CTTNBP2NL: variants seen among roughly 807,000 people sequenced by gnomAD.
The protein encoded by CTTNBP2NL is CTTNBP2 N-terminal-like protein.
A neutral mutation model predicts 32.5 loss-of-function variants in CTTNBP2NL; 16 were observed. The observed-to-expected ratio is 0.49, with a 90% CI of 0.33 to 0.75. CTTNBP2NL has a LOEUF of 0.75. Ranked by LOEUF, CTTNBP2NL falls within the 30% of genes least tolerant of loss-of-function variation. The pLI is 0.02. For missense variants in CTTNBP2NL, 645 were observed against 756.0 expected (o/e 0.85, Z 1.72); for synonymous variants, 298 against 289.4 (o/e 1.03, Z -0.30).
Position 112,457,406 on chromosome 1 carries a change from C to T in CTTNBP2NL, c.1914C>T (p.Ser638=), listed in dbSNP as rs774256076. Reference sequence around the variant, plus strand: ...ATGTTGAGTTACTTTTGCCTACCAGCAGCTAGTCCCTAGGAGGGAGTCTCC... The same window carrying T: ...ATGTTGAGTTACTTTTGCCTACCAGTAGCTAGTCCCTAGGAGGGAGTCTCC... ...GKDVELLLPT[S]S is the part of the protein sequence containing the mutation. The change falls in exon 6 of 6, where the codon AGC becomes AGT. Residue 638 remains serine, a synonymous_variant. Transcript: ENST00000271277. 3.1e-6 allele frequency: 5 copies of T among 1,609,142 alleles called. No homozygotes were observed. Among genetic ancestry groups the T allele is most frequent in the Middle Eastern group, 1.7e-4 (1 of 6,030 alleles).
intron 1 of CTTNBP2NL, among the ~76,000 whole-genome samples, chr1:112,398,058 G>T (rs1240279118): frequency 3.3e-5 from 5 of 152,186 alleles, no homozygotes; most frequent in African/African-American, 1.2e-4. Context: ...AGGGTAAGAC[G>T]TGAGCTCCCA....
At chr1:112,425,245 C>T (rs539753714) in intron 3 of CTTNBP2NL, among the ~76,000 whole-genome samples, 3 of 151,954 alleles carry the variant, frequency 2.0e-5, no homozygotes, top group Non-Finnish European at 4.4e-5. Flanking sequence ...CTGAGGCAGG[C>T]AGATCACCTG....
At chr1:112,449,999 T>C (rs1419301663) in intron 4 of CTTNBP2NL, among the ~76,000 whole-genome samples, 1 of 152,240 alleles carries the variant, frequency 6.6e-6, no homozygotes, top group Non-Finnish European at 1.5e-5. Context: ...AAAAGATGCT[T>C]GGCTACAATC....
At chr1:112,434,634 G>A (rs1387248576) in intron 3 of CTTNBP2NL, among the ~76,000 whole-genome samples, 3 of 152,114 alleles carry the variant, frequency 2.0e-5, no homozygotes, top group African/African-American at 7.2e-5. Context: ...GTGACTCCTT[G>A]CTGCCTAAAA....
intron 1 of CTTNBP2NL, among the ~76,000 whole-genome samples, chr1:112,408,730 T>C (rs1052185528): frequency 6.6e-6 from 1 of 152,190 alleles, no homozygotes; most frequent in African/African-American, 2.4e-5. Flanking sequence ...CATGATCTAG[T>C]GGCAAACTAT....
chr1:112,426,114 G>A (rs2780275), intron 3 of CTTNBP2NL, among the ~76,000 whole-genome samples: 10,628 of 151,858 alleles, frequency 0.07, 1,146 homozygotes, highest in African/African-American at 0.24. Flanking sequence ...GTTGTTGGCC[G>A]TAGGTTTTTT....
chr1:112,400,966 CAAA>C (rs56784970), intron 1 of CTTNBP2NL, among the ~76,000 whole-genome samples: 1 of 102,872 alleles, frequency 9.7e-6, no homozygotes, highest in African/African-American at 3.9e-5. Context: ...ACTCTGTCAC[CAAA>C]AAAAAAAAAA....
At chr1:112,406,768 T>C (rs144480464) in intron 1 of CTTNBP2NL, among the ~76,000 whole-genome samples, 36 of 152,330 alleles carry the variant, frequency 2.4e-4, no homozygotes, top group African/African-American at 8.2e-4. Context: ...CATAATTAAT[T>C]TCTCTATTAA....
rs529804596 is a variant in CTTNBP2NL at position 112,457,575 on chromosome 1, T to A, written c.*163T>A. ...ATTTTGTATTTTTTTAAGTAGAAAC[T>A]GAGTAGTTTGGATTTTTATGGCTCA... On this transcript the variant is annotated 3_prime_UTR_variant, in exon 6 of 6. Transcript: ENST00000271277. 9 of 650,694 alleles carry A rather than the reference T, an allele frequency of 1.4e-5. No individual in the cohort carries two copies. In the African/African-American group the frequency reaches 1.6e-4, roughly 12 times the overall value. 40.3% of individuals were successfully genotyped at this position (650,694 alleles called of 1,614,324 possible).
chr1:112,436,236 G>A (rs2101020485), intron 3 of CTTNBP2NL, among the ~76,000 whole-genome samples: 1 of 152,002 alleles, frequency 6.6e-6, no homozygotes, highest in South Asian at 2.1e-4. Flanking sequence ...CCTTTTCTGT[G>A]AATATCTGTC....
At chr1:112,441,308 T>A (rs1298581077) in intron 3 of CTTNBP2NL, among the ~76,000 whole-genome samples, 1 of 152,226 alleles carries the variant, frequency 6.6e-6, no homozygotes, top group African/African-American at 2.4e-5. Context: ...CAGAACATAC[T>A]CTTTTATGCC....
At chr1:112,415,681 C>T (rs1047623404) in intron 2 of CTTNBP2NL, among the ~76,000 whole-genome samples, 3 of 151,872 alleles carry the variant, frequency 2.0e-5, no homozygotes, top group Non-Finnish European at 2.9e-5. Context: ...CTCAGCCTCC[C>T]GAGTAGCTGG....
At position 112,456,427 on chromosome 1, in the gene CTTNBP2NL, G is replaced by A; in HGVS notation, c.935G>A (p.Cys312Tyr). 2 of 1,614,090 alleles carry A rather than the reference G, an allele frequency of 1.2e-6. No homozygotes were observed. Among genetic ancestry groups the A allele is most frequent in the Non-Finnish European group, 1.7e-6 (2 of 1,180,032 alleles). Reference protein sequence around the residue: ...TEPLMLMSVFCQTESFPAERT... With the variant: ...TEPLMLMSVFYQTESFPAERT... ...CCTCTCATGCTAATGTCTGTGTTTT[G>A]CCAAACAGAGAGTTTTCCAGCAGAA... Residue 312 changes from cysteine (C) to tyrosine (Y), a missense_variant, in exon 6 of 6, where the codon TGC becomes TAC. Physicochemically the swap from Cys to Tyr is radical, Grantham distance 194. Transcript: ENST00000271277.
At chr1:112,414,313 G>A (rs1409015786) in intron 2 of CTTNBP2NL, among the ~76,000 whole-genome samples, 2 of 151,604 alleles carry the variant, frequency 1.3e-5, no homozygotes, top group Admixed American at 6.6e-5. Flanking sequence ...GCAGTGAGCC[G>A]AAATCACCCC....
Position 112,456,969 on chromosome 1 carries a change from G to A in CTTNBP2NL, c.1477G>A (p.Asp493Asn), listed in dbSNP as rs1467129641. 1 of 1,613,982 alleles carries A rather than the reference G, an allele frequency of 6.2e-7. No individual in the cohort carries two copies. The highest frequency in any genetic ancestry group is 8.5e-7 in the Non-Finnish European group (1 of 1,180,008). Residue 493 changes from aspartate to asparagine, a missense_variant, in exon 6 of 6, where the codon GAC becomes AAC. Asp to Asn is a conservative substitution (Grantham distance 23). Transcript: ENST00000271277. Reference protein sequence around the residue: ...PSRDLSPTLIDNSAAKQLARN... With the variant: ...PSRDLSPTLINNSAAKQLARN... ...CAGGGATTTATCCCCCACCCTCATA[G>A]ACAACTCTGCCGCCAAGCAGCTGGC... is the stretch of plus-strand genomic sequence containing the variant.
chr1:112,399,751 G>C (rs1648440013), intron 1 of CTTNBP2NL, among the ~76,000 whole-genome samples: 1 of 152,094 alleles, frequency 6.6e-6, no homozygotes, highest in South Asian at 2.1e-4. Flanking sequence ...TTATTAGCAT[G>C]TTTTCTAAAG....
Position 112,419,740 on chromosome 1 carries a change from A to T in CTTNBP2NL, c.99+3476A>T, listed in dbSNP as rs188732357. Reference sequence around the variant, plus strand: ...CCTGTGAAGAGAGTTTGCATTTTTTAAAAAAATCAGATATTAGCTTGCTTG... The same window carrying T: ...CCTGTGAAGAGAGTTTGCATTTTTTTAAAAAATCAGATATTAGCTTGCTTG... On this transcript the variant is annotated intron_variant, in intron 3 of 5. Coordinates refer to ENST00000271277, the MANE Select transcript of CTTNBP2NL (RefSeq NM_018704.3). 2.3e-3 allele frequency among the ~76,000 whole-genome samples: 356 copies of T among 152,288 alleles called. 1 individual carries two copies. The highest frequency in any genetic ancestry group is 7.9e-3 in the African/African-American group (329 of 41,570).
At chr1:112,449,672 C>T (rs748479511) in intron 4 of CTTNBP2NL, among the ~76,000 whole-genome samples, 30 of 151,698 alleles carry the variant, frequency 2.0e-4, no homozygotes, top group Non-Finnish European at 4.0e-4. Flanking sequence ...CTCATGAAAC[C>T]ATAAACAGTC....
Position 112,428,190 on chromosome 1 carries a change from G to A in CTTNBP2NL, c.99+11926G>A, listed in dbSNP as rs6690564. Among the ~76,000 whole-genome samples the A allele has an allele frequency of 7.8e-3, 1,181 of 152,158 alleles. 22 individuals carry two copies. Among genetic ancestry groups the A allele is most frequent in the African/African-American group, 0.027 (1,102 of 41,524 alleles). ...TAATAGTGGTTGGCCCTAGGTAGTA[G>A]AATCATATGCATATTTTAATTTTTT... On this transcript the variant is annotated intron_variant, in intron 3 of 5. Coordinates refer to ENST00000271277, the MANE Select transcript of CTTNBP2NL (RefSeq NM_018704.3).
Sources: gnomAD v4.1 joint callset for allele counts (sites outside exome capture counted in the v4.1 genomes callset) on GRCh38, gnomAD v4.1.1 for gene constraint, MANE v1.5 for transcripts, NCBI Gene and HGNC (gene_info 2026-07-23, HGNC 2026-07-21) for gene names.